Variants in SBF1 observed in about 807,000 individuals in gnomAD.
The protein encoded by SBF1 is myotubularin-related protein 5.
Under a neutral mutation model 215.8 loss-of-function variants are expected in SBF1, and 65 were observed. The ratio of observed to expected loss-of-function variants is 0.30; its 90% CI spans 0.25 to 0.37. The LOEUF (loss-of-function observed/expected upper bound fraction) is 0.37. SBF1 is among the 10% of genes least tolerant of loss of function. The pLI is 1.00. For synonymous variants in SBF1, 1,410 were observed against 1,122.8 expected (o/e 1.26, Z -5.11); for missense variants, 2,634 against 2,667.8 (o/e 0.99, Z 0.28).
rs1053764 is a variant in SBF1 at position 50,447,066 on chromosome 22, A to G, written c.*76T>C. 0.026 allele frequency: 34,354 copies of G among 1,340,046 alleles called. 609 individuals are homozygous for G. The highest frequency in any genetic ancestry group is 0.033 in the Non-Finnish European group (31,245 of 960,896). The allele number at this position is 1,340,046 out of a possible 1,614,324, so 83.0% of individuals were successfully genotyped here. On this transcript the variant is annotated 3_prime_UTR_variant, in exon 41 of 41. Transcript: ENST00000380817. ...ACTGTCGAGGGCCGGGGCTGTAAAC[A>G]TGGCCGGGGCGGCCCTGCCCACCCC...
In SBF1 at chr22:50,455,160, C is replaced by A. The variant is rs1307296906; in HGVS notation, c.4555-18G>T. On this transcript the variant is annotated intron_variant, in intron 33 of 40. Coordinates refer to ENST00000380817, the MANE Select transcript of SBF1 (RefSeq NM_002972.4). Reference sequence around the variant, plus strand: ...AGGTGGACCTGCACGCCATGTGGGTCAGGGGCCAGGGCTCAGCGGTCAGGG... The same window carrying A: ...AGGTGGACCTGCACGCCATGTGGGTAAGGGGCCAGGGCTCAGCGGTCAGGG... The A allele has an allele frequency of 6.2e-7, 1 of 1,614,002 alleles. No individual in the cohort carries two copies. The highest frequency in any genetic ancestry group is 8.5e-7 in the Non-Finnish European group (1 of 1,180,010).
intron 5 of SBF1, chr22:50,467,132 G>A (rs1458297730): frequency 1.7e-6 from 1 of 599,780 alleles, no homozygotes; most frequent in Non-Finnish European, 3.0e-6. Flanking sequence ...AGTGGACAGA[G>A]AGGCTGAACG....
Position 50,460,582 on chromosome 22 carries a change from G to A in SBF1, c.3098C>T (p.Thr1033Ile). The A allele has an allele frequency of 6.2e-7, 1 of 1,614,126 alleles. No homozygotes were observed. The highest frequency in any genetic ancestry group is 8.5e-7 in the Non-Finnish European group (1 of 1,180,034). Residue 1033 changes from threonine (T) to isoleucine (I), a missense_variant, in exon 24 of 41, where the codon ACA becomes ATA. By Grantham distance (89) the Thr-to-Ile change is moderately conservative. Coordinates refer to ENST00000380817, the MANE Select transcript of SBF1 (RefSeq NM_002972.4). ...GGTGACTCGCGGTGGCCGGCCAGGT[G>A]TGTGGGCAGAGCCCAAGGTGAACGC... Reference protein sequence around the residue: ...TFAFTLGSAHTPGRPPRVTKD... With the variant: ...TFAFTLGSAHIPGRPPRVTKD...
chr22:50,465,227 G>T lies in SBF1; in HGVS notation c.1191C>A (p.Ile397=), dbSNP rs766662317. The T allele has an allele frequency of 3.7e-6, 6 of 1,612,654 alleles. No homozygotes were observed. Among genetic ancestry groups the T allele is most frequent in the Non-Finnish European group, 5.1e-6 (6 of 1,179,486 alleles). ...CCAGGCACCCCACCTTATGGAAGCG[G>T]ATGACAGGCTCCGGGTGGATGCGCA... ...HVVRIHPEPV[I]RFHKAAFLGQ... is the part of the protein sequence containing the mutation. The change falls in exon 11 of 41, where the codon ATC becomes ATA. Residue 397 remains isoleucine, a synonymous_variant. Transcript: ENST00000380817.
intron 1 of SBF1, 147 bp downstream of exon 1, chr22:50,474,639 C>T (rs1274642511): frequency 7.6e-6 from 4 of 529,052 alleles, no homozygotes; most frequent in East Asian, 4.3e-5. Flanking sequence ...CCTCGGCCCT[C>T]AGCGCCCGGC....
chr22:50,461,923 A>T (rs767441539), intron 20 of SBF1, 24 bp downstream of exon 20: 17 of 1,613,898 alleles, frequency 1.1e-5, no homozygotes, highest in Non-Finnish European at 1.4e-5. Flanking sequence ...TCCAAGGGGG[A>T]ATCACCAGCC....
chr22:50,463,010 C>G, intron 16 of SBF1, 72 bp from the exon 17 acceptor site: 1 of 1,442,878 alleles, frequency 6.9e-7, no homozygotes, highest in Non-Finnish European at 9.6e-7. Flanking sequence ...CATGCCCCCA[C>G]CACCCCATAA....
chr22:50,464,421 T>G lies in SBF1; in HGVS notation c.1657A>C (p.Ser553Arg). ...CGGGCGCTGTTGACATGCAGCCCAC[T>G]GCACCGCTCCAGTATGGCAGCTGCG... ...PPMTAILERC[S>R]GLHVNSARRL... The change falls in exon 15 of 41, where the codon AGT (serine) becomes CGT (arginine). Residue 553 changes from serine to arginine, a missense_variant. By Grantham distance (110) the Ser-to-Arg change is moderately radical (BLOSUM62 -1). Coordinates refer to ENST00000380817, the MANE Select transcript of SBF1 (RefSeq NM_002972.4). 1 of 1,613,950 alleles carries G rather than the reference T, an allele frequency of 6.2e-7. No individual in the cohort carries two copies. Among genetic ancestry groups the G allele is most frequent in the Non-Finnish European group, 8.5e-7 (1 of 1,179,912 alleles).
intron 1 of SBF1, among the ~76,000 whole-genome samples, chr22:50,471,853 T>A (rs2068007735): frequency 6.6e-6 from 1 of 152,098 alleles, no homozygotes; most frequent in Admixed American, 6.5e-5. Flanking sequence ...GGCTCAAGAA[T>A]GCAGCCAGCA....
At chr22:50,454,987 G>A (rs1157534218) in intron 34 of SBF1, 29 bp downstream of exon 34, 4 of 1,613,988 alleles carry the variant, frequency 2.5e-6, no homozygotes, top group East Asian at 2.2e-5. Flanking sequence ...CCTGACCCGT[G>A]GCTGCCCCAG....
intron 28 of SBF1, among the ~76,000 whole-genome samples, chr22:50,457,600 G>A (rs561262128): frequency 6.6e-6 from 1 of 152,382 alleles, no homozygotes; most frequent in African/African-American, 2.4e-5. Flanking sequence ...GAAGAGGGGA[G>A]AGGGTGGGCT....
Position 50,464,865 on chromosome 22 carries a change from C to T in SBF1, c.1385G>A (p.Arg462His), listed in dbSNP as rs200831919. ...RMRADENHPQRVLRHVQELAE... is the reference protein window; with the variant it reads ...RMRADENHPQHVLRHVQELAE... ...CAGTTCCTGGACGTGACGCAGGACA[C>T]GCTGGGGGTGGTTCTCATCCGCCCG... The change falls in exon 13 of 41, where the codon CGT (arginine) becomes CAT (histidine). Residue 462 changes from arginine (R) to histidine (H), a missense_variant. Arg to His is a conservative substitution (Grantham distance 29). Coordinates refer to ENST00000380817, the MANE Select transcript of SBF1 (RefSeq NM_002972.4). The T allele has an allele frequency of 1.7e-5, 28 of 1,613,596 alleles. No homozygotes were observed. The East Asian group carries it at 1.8e-4, about 10-fold the overall frequency.
chr22:50,455,256 C>G lies in SBF1; in HGVS notation c.4522G>C (p.Val1508Leu). The G allele has an allele frequency of 6.2e-7, 1 of 1,613,110 alleles. No homozygotes were observed. The highest frequency in any genetic ancestry group is 8.5e-7 in the Non-Finnish European group (1 of 1,179,670). Residue 1508 changes from valine to leucine, a missense_variant, in exon 33 of 41, where the codon GTC becomes CTC. Physicochemically the swap from Val to Leu is conservative, Grantham distance 32. Coordinates refer to ENST00000380817, the MANE Select transcript of SBF1 (RefSeq NM_002972.4). ...ACGCAGTCCAGGAACTGCAGGAAGA[C>G]GGGTGTGAAGCCGCTGCTCTGCCCG... is the stretch of plus-strand genomic sequence containing the variant. ...LAGQSSGFTP[V>L]FLQFLDCVHQ...
Position 50,447,029 on chromosome 22 carries a change from C to T in SBF1, c.*113G>A, listed in dbSNP as rs1417552950. 8.6e-6 allele frequency: 8 copies of T among 935,164 alleles called. No homozygotes were observed. Among genetic ancestry groups the T allele is most frequent in the African/African-American group, 3.3e-5 (2 of 61,102 alleles). The allele number at this position is 935,164 out of a possible 1,614,324, so 57.9% of individuals were successfully genotyped here. Reference sequence around the variant, plus strand: ...GCTGTACACACAAGTGCTGGGGGCTCGGGGCCTCAATACTGTCGAGGGCCG... The same window carrying T: ...GCTGTACACACAAGTGCTGGGGGCTTGGGGCCTCAATACTGTCGAGGGCCG... On this transcript the variant is annotated 3_prime_UTR_variant, in exon 41 of 41. Transcript: ENST00000380817.
intron 16 of SBF1, 71 bp downstream of exon 16, chr22:50,463,212 G>C: frequency 6.3e-7 from 1 of 1,582,310 alleles, no homozygotes; most frequent in Non-Finnish European, 8.6e-7. Flanking sequence ...CTCACTCACA[G>C]ACCAGGGTCT....
intron 37 of SBF1, 28 bp downstream of exon 37, chr22:50,448,515 G>T (rs74598385): frequency 3.1e-6 from 5 of 1,609,414 alleles, no homozygotes; most frequent in Non-Finnish European, 4.2e-6. Flanking sequence ...CACGCCCACC[G>T]TGGACGCTCA....
Position 50,461,665 on chromosome 22 carries a change from G to T in SBF1, c.2697C>A (p.Gly899=), listed in dbSNP as rs374888082. 277 of 1,610,624 alleles carry T rather than the reference G, an allele frequency of 1.7e-4. No homozygotes were observed. The highest frequency in any genetic ancestry group is 2.3e-4 in the Non-Finnish European group (266 of 1,179,750). ...CATCCGGCAGCAGGTAGACGCGCAG[G>T]CCGTCCAGCACACACTCCTCACCCG... is the stretch of plus-strand genomic sequence containing the variant. ...LLPGEECVLD[G]LRVYLLPDGR... The change falls in exon 22 of 41, where the codon GGC becomes GGA. Residue 899 remains glycine, a synonymous_variant. Coordinates refer to ENST00000380817, the MANE Select transcript of SBF1 (RefSeq NM_002972.4).
intron 1 of SBF1, among the ~76,000 whole-genome samples, chr22:50,469,261 G>A (rs1603434822): frequency 6.6e-6 from 1 of 152,242 alleles, no homozygotes; most frequent in East Asian, 1.9e-4. Context: ...CCTGTACAAA[G>A]GCCATAGGAT....
chr22:50,456,585 G>C lies in SBF1; in HGVS notation c.3993C>G (p.Ala1331=). The change falls in exon 30 of 41, where the codon GCC becomes GCG. Residue 1331 remains alanine (A), a synonymous_variant. Coordinates refer to ENST00000380817, the MANE Select transcript of SBF1 (RefSeq NM_002972.4). ...GAGGGCCCCCGTTGGCCTGGGGTGGGGCCAGCGCGTCTCTGCCAGCTAGCC... is the reference window on the plus strand; with the variant it reads ...GAGGGCCCCCGTTGGCCTGGGGTGGCGCCAGCGCGTCTCTGCCAGCTAGCC... The part of the protein sequence containing the change: ...GSRLAGRDAL[A]PPQANGGPPD... 1 of 1,553,868 alleles carries C rather than the reference G, an allele frequency of 6.4e-7. No homozygotes were observed. The highest frequency in any genetic ancestry group is 1.2e-5 in the South Asian group (1 of 81,078).
Sources: gnomAD v4.1 joint callset for allele counts (sites outside exome capture counted in the v4.1 genomes callset) on GRCh38, gnomAD v4.1.1 for gene constraint, MANE v1.5 for transcripts, NCBI Gene and HGNC (gene_info 2026-07-23, HGNC 2026-07-21) for gene names.